Variants in B4GALT1 observed in about 807,000 individuals in gnomAD.
B4GALT1 encodes N-acetyllactosamine synthase.
A neutral mutation model predicts 34.9 loss-of-function variants in B4GALT1; 16 were observed. That is an observed-to-expected ratio of 0.46 (90% CI 0.31 to 0.70). B4GALT1 has a LOEUF of 0.70. Ranked by LOEUF, B4GALT1 falls within the 30% of genes least tolerant of loss-of-function variation. The pLI, the probability that B4GALT1 is intolerant of heterozygous loss-of-function variation, is 0.05. For missense variants in B4GALT1, 445 were observed against 530.5 expected (o/e 0.84, Z 1.58); for synonymous variants, 221 against 218.1 (o/e 1.01, Z -0.12).
At chr9:33,144,254 G>A (rs1285657605) in intron 1 of B4GALT1, among the ~76,000 whole-genome samples, 1 of 151,396 alleles carries the variant, frequency 6.6e-6, no homozygotes, top group African/African-American at 2.4e-5. Context: ...TTATTTTTGA[G>A]GAGGAGTCTC....
chr9:33,136,162 G>A (rs1265983889), intron 1 of B4GALT1, among the ~76,000 whole-genome samples: 1 of 152,118 alleles, frequency 6.6e-6, no homozygotes, highest in East Asian at 1.9e-4. Flanking sequence ...GTAACAAAGA[G>A]GAAGAAGAAG....
intron 1 of B4GALT1, among the ~76,000 whole-genome samples, chr9:33,145,701 C>T (rs1840415335): frequency 6.6e-6 from 1 of 152,192 alleles, no homozygotes; most frequent in Non-Finnish European, 1.5e-5. Context: ...CCTAACTTCC[C>T]CTTAAATAAT....
At chr9:33,182,794 G>C in the B4GALT1 span, among the ~76,000 whole-genome samples, 1 of 152,118 alleles carries the variant, frequency 6.6e-6, no homozygotes, top group Non-Finnish European at 1.5e-5. Context: ...TGACAAGCGA[G>C]ATGATCTCTT....
chr9:33,104,586 C>T (rs2117964023), exon 3 of B4GALT1: 1 of 351,898 alleles, frequency 2.8e-6, no homozygotes, highest in East Asian at 7.9e-5. Flanking sequence ...GGGTCAAGGT[C>T]CCCAGCTGGA....
chr9:33,132,622 CA>C (rs1840210372), intron 2 of B4GALT1, among the ~76,000 whole-genome samples: 1 of 152,152 alleles, frequency 6.6e-6, no homozygotes. Flanking sequence ...TTGAGGTGGG[CA>C]GGAGCATGTA....
At chr9:33,174,901 G>A in the B4GALT1 span, among the ~76,000 whole-genome samples, 5 of 138,474 alleles carry the variant, frequency 3.6e-5, no homozygotes, top group African/African-American at 5.4e-5. Context: ...AGGTTGCAGT[G>A]AGCCAAGATC....
At chr9:33,152,806 G>C (rs572957370) in intron 1 of B4GALT1, among the ~76,000 whole-genome samples, 1 of 151,990 alleles carries the variant, frequency 6.6e-6, no homozygotes, top group African/African-American at 2.4e-5. Flanking sequence ...CCTGGGAGGC[G>C]GTGGTTGCAG....
the B4GALT1 span, among the ~76,000 whole-genome samples, chr9:33,175,018 T>A: frequency 2.3e-4 from 17 of 75,072 alleles, no homozygotes; most frequent in East Asian, 1.0e-3. Flanking sequence ...TATATATATA[T>A]ATAAAATTGG....
chr9:33,125,678 G>A (rs540599763), intron 2 of B4GALT1, among the ~76,000 whole-genome samples: 25 of 152,252 alleles, frequency 1.6e-4, no homozygotes, highest in African/African-American at 5.8e-4. Flanking sequence ...CAGGACAGGT[G>A]CTAGAATCTG....
chr9:33,155,093 C>G (rs1840577456), intron 1 of B4GALT1, among the ~76,000 whole-genome samples: 1 of 152,140 alleles, frequency 6.6e-6, no homozygotes, highest in African/African-American at 2.4e-5. Flanking sequence ...CGATGCTGAG[C>G]AGGAGTACAT....
intron 1 of B4GALT1, among the ~76,000 whole-genome samples, chr9:33,152,239 G>A (rs1840527094): frequency 6.6e-6 from 1 of 152,038 alleles, no homozygotes; most frequent in Non-Finnish European, 1.5e-5. Context: ...AGGAGGCAGA[G>A]GTTGCAGTGA....
chr9:33,184,849 T>G, the B4GALT1 span, among the ~76,000 whole-genome samples: 2 of 152,208 alleles, frequency 1.3e-5, no homozygotes, highest in African/African-American at 4.8e-5. Flanking sequence ...ATTAATTTTT[T>G]AAATATTCCA....
At chr9:33,180,258 C>T in the B4GALT1 span, among the ~76,000 whole-genome samples, 1 of 152,076 alleles carries the variant, frequency 6.6e-6, no homozygotes, top group South Asian at 2.1e-4. Flanking sequence ...CCCGATTATT[C>T]GTCTTTGATT....
At chr9:33,151,474 C>A (rs1214760864) in intron 1 of B4GALT1, among the ~76,000 whole-genome samples, 1 of 152,160 alleles carries the variant, frequency 6.6e-6, no homozygotes, top group Non-Finnish European at 1.5e-5. Context: ...GCCATCTGGG[C>A]ACTCAGCCAG....
At chr9:33,136,939 G>C (rs1166939627) in intron 1 of B4GALT1, among the ~76,000 whole-genome samples, 1 of 152,112 alleles carries the variant, frequency 6.6e-6, no homozygotes, top group Non-Finnish European at 1.5e-5. Flanking sequence ...TCAACAGCTT[G>C]AGAAAAAAAG....
At chr9:33,123,581 C>T (rs1349802812) in intron 2 of B4GALT1, among the ~76,000 whole-genome samples, 2 of 152,306 alleles carry the variant, frequency 1.3e-5, no homozygotes, top group African/African-American at 4.8e-5. Flanking sequence ...CAGGGCTGCC[C>T]AGCCCAGGAC....
intron 4 of B4GALT1, among the ~76,000 whole-genome samples, chr9:33,114,166 G>A (rs1293128030): frequency 6.6e-6 from 1 of 152,236 alleles, no homozygotes; most frequent in East Asian, 1.9e-4. Context: ...TCAAACATAG[G>A]GCCTTTAGGG....
intron 1 of B4GALT1, among the ~76,000 whole-genome samples, chr9:33,165,021 G>C (rs1337028697): frequency 6.8e-6 from 1 of 147,048 alleles, no homozygotes; most frequent in Non-Finnish European, 1.5e-5. Context: ...CGCCCAGGCT[G>C]GAGTGTACTG....
intron 1 of B4GALT1, among the ~76,000 whole-genome samples, chr9:33,145,037 G>A (rs1840406454): frequency 6.6e-6 from 1 of 152,168 alleles, no homozygotes; most frequent in Non-Finnish European, 1.5e-5. Flanking sequence ...GCCAGACGAG[G>A]TCTTCACAGC....
Sources: allele counts gnomAD v4.1 joint callset (sites outside exome capture counted in the v4.1 genomes callset), GRCh38; gene constraint gnomAD v4.1.1; transcripts MANE v1.5; gene names NCBI Gene and HGNC (gene_info 2026-07-23, HGNC 2026-07-21).